The following EPHB2 variants were observed in gnomAD, a reference collection of about 807,000 sequenced individuals.
The protein encoded by EPHB2 is ephrin type-B receptor 2.
Under a neutral mutation model 96.4 loss-of-function variants are expected in EPHB2, and 18 were observed. That is an observed-to-expected ratio of 0.19 (90% confidence interval 0.13 to 0.28). The LOEUF (loss-of-function observed/expected upper bound fraction) is 0.28. Ranked by LOEUF, EPHB2 falls within the 10% of genes least tolerant of loss-of-function variation. The probability of loss-of-function intolerance (pLI) is 1.00; values close to 1 mark genes in which losing one functional copy is unlikely to be tolerated. For synonymous variants in EPHB2, 506 were observed against 534.1 expected (o/e 0.95, Z 0.72); for missense variants, 989 against 1,355.4 (o/e 0.73, Z 4.25).
At chr1:22,806,238 G>A (rs916503324) in intron 3 of EPHB2, among the ~76,000 whole-genome samples, 8 of 152,228 alleles carry the variant, frequency 5.3e-5, no homozygotes, top group African/African-American at 1.9e-4. Flanking sequence ...CCTTTTACAG[G>A]TGGAAAAACT....
intron 9 of EPHB2, among the ~76,000 whole-genome samples, chr1:22,899,193 C>CAAA (rs34967134): frequency 1.7e-5 from 2 of 115,146 alleles, no homozygotes; most frequent in African/African-American, 6.5e-5. Flanking sequence ...AACGCCATCT[C>CAAA]AAAAAAAAAA....
intron 5 of EPHB2, among the ~76,000 whole-genome samples, chr1:22,879,116 G>A (rs944390693): frequency 3.9e-5 from 6 of 152,166 alleles, no homozygotes; most frequent in Admixed American, 3.9e-4. Context: ...CCTGGAGGCA[G>A]GGGTGGGAGG....
At chr1:22,824,614 G>C (rs764385119) in intron 3 of EPHB2, among the ~76,000 whole-genome samples, 6 of 152,236 alleles carry the variant, frequency 3.9e-5, no homozygotes, top group Non-Finnish European at 8.8e-5. Flanking sequence ...AGCCGCCCCT[G>C]TTTACTCAGC....
At chr1:22,826,033 A>C (rs1477473735) in intron 3 of EPHB2, among the ~76,000 whole-genome samples, 1 of 152,184 alleles carries the variant, frequency 6.6e-6, no homozygotes, top group Admixed American at 6.5e-5. Flanking sequence ...GCTGGATGCC[A>C]GCTCAGGGAT....
chr1:22,876,380 G>A lies in EPHB2; in HGVS notation c.1304-5979G>A, dbSNP rs546176547. ...CCAGAAGACCCTGAGAGACCACCCCGTACAACCCCTGCATGCCCTGAGAAG... is the reference window on the plus strand; with the variant it reads ...CCAGAAGACCCTGAGAGACCACCCCATACAACCCCTGCATGCCCTGAGAAG... On this transcript the variant is annotated intron_variant, in intron 5 of 15. Coordinates refer to ENST00000374630, the MANE Select transcript of EPHB2 (RefSeq NM_017449.5). Among the ~76,000 whole-genome samples the A allele has an allele frequency of 3.9e-5, 6 of 152,186 alleles. No homozygotes were observed. In the South Asian group the frequency reaches 8.3e-4, roughly 21 times the overall value.
At position 22,908,164 on chromosome 1, in the gene EPHB2, C is replaced by T. The variant is rs1639977465; in HGVS notation, c.2348C>T (p.Ala783Val). ...DDTSDPTYTS[A>V]LGGKIPIRWT... ...ACCTCAGACCCCACCTACACCAGTG[C>T]CCTGGTAAGATGGAGGCAGGGAACA... Residue 783 changes from alanine (A) to valine (V), a missense_variant, in exon 12 of 16, where the codon GCC (alanine) becomes GTC (valine). Coordinates refer to ENST00000374630, the MANE Select transcript of EPHB2 (RefSeq NM_017449.5). 1 of 1,614,118 alleles carries T rather than the reference C, an allele frequency of 6.2e-7. No individual in the cohort carries two copies.
intron 3 of EPHB2, among the ~76,000 whole-genome samples, chr1:22,795,545 C>T (rs546869276): frequency 6.6e-6 from 1 of 152,262 alleles, no homozygotes; most frequent in South Asian, 2.1e-4. Flanking sequence ...TAATGTCTTA[C>T]ATATGTACAG....
At chr1:22,885,565 TCAC>T (rs1311884214) in intron 6 of EPHB2, among the ~76,000 whole-genome samples, 1 of 152,230 alleles carries the variant, frequency 6.6e-6, no homozygotes, top group African/African-American at 2.4e-5. Context: ...ACATGGTTCT[TCAC>T]CCCATTGGAT....
At chr1:22,898,174 T>C (rs1168618850) in intron 9 of EPHB2, among the ~76,000 whole-genome samples, 2 of 140,840 alleles carry the variant, frequency 1.4e-5, no homozygotes, top group African/African-American at 5.3e-5. Flanking sequence ...AAAAGAGAAA[T>C]ACATGTCATA....
At chr1:22,890,594 C>T (rs1415087752) in intron 6 of EPHB2, among the ~76,000 whole-genome samples, 1 of 152,180 alleles carries the variant, frequency 6.6e-6, no homozygotes, top group Non-Finnish European at 1.5e-5. Flanking sequence ...CACGAGGGAG[C>T]TTTCCTGACT....
chr1:22,808,691 T>C (rs1170045944), intron 3 of EPHB2, among the ~76,000 whole-genome samples: 2 of 152,242 alleles, frequency 1.3e-5, no homozygotes, highest in Non-Finnish European at 2.9e-5. Flanking sequence ...TTCTAAGCTC[T>C]TAATGTATAT....
chr1:22,779,947 CCTT>C (rs1218028706), intron 1 of EPHB2, among the ~76,000 whole-genome samples: 1 of 152,170 alleles, frequency 6.6e-6, no homozygotes, highest in East Asian at 1.9e-4. Flanking sequence ...GTCACTGTGA[CCTT>C]CTAGGTCTCT....
At chr1:22,735,301 T>A (rs1181243548) in intron 1 of EPHB2, among the ~76,000 whole-genome samples, 3 of 151,866 alleles carry the variant, frequency 2.0e-5, no homozygotes, top group Non-Finnish European at 1.5e-5. Flanking sequence ...TAGTCAGGCA[T>A]GGTGGCATGT....
At chr1:22,713,943 C>T (rs900936133) in intron 1 of EPHB2, among the ~76,000 whole-genome samples, 3 of 152,190 alleles carry the variant, frequency 2.0e-5, no homozygotes, top group Non-Finnish European at 2.9e-5. Context: ...GAAGTGGCGG[C>T]GAGCAGGATG....
chr1:22,761,827 C>G (rs373576798), intron 1 of EPHB2, among the ~76,000 whole-genome samples: 1 of 152,126 alleles, frequency 6.6e-6, no homozygotes. Flanking sequence ...TCAGCAAAGC[C>G]CATTTTGCAG....
chr1:22,760,955 C>T (rs1445730226), intron 1 of EPHB2, among the ~76,000 whole-genome samples: 1 of 152,178 alleles, frequency 6.6e-6, no homozygotes, highest in Non-Finnish European at 1.5e-5. Flanking sequence ...ATGCATGTGA[C>T]CAAGGCCACA....
intron 5 of EPHB2, among the ~76,000 whole-genome samples, chr1:22,877,074 G>A (rs1392486620): frequency 6.6e-6 from 1 of 152,210 alleles, no homozygotes; most frequent in Non-Finnish European, 1.5e-5. Flanking sequence ...TGCAGCAGCA[G>A]GAAGGGAGCT....
At chr1:22,812,810 C>A (rs868490778) in intron 3 of EPHB2, among the ~76,000 whole-genome samples, 1 of 152,196 alleles carries the variant, frequency 6.6e-6, no homozygotes, top group African/African-American at 2.4e-5. Context: ...GCATTGCCGT[C>A]TTCAACCCAT....
chr1:22,757,128 G>A (rs1341881357), intron 1 of EPHB2, among the ~76,000 whole-genome samples: 1 of 152,094 alleles, frequency 6.6e-6, no homozygotes, highest in African/African-American at 2.4e-5. Flanking sequence ...GGTGATGGTG[G>A]GTGGGAGAGG....
Sources: gnomAD v4.1 joint callset for allele counts (sites outside exome capture counted in the v4.1 genomes callset) on GRCh38, gnomAD v4.1.1 for gene constraint, MANE v1.5 for transcripts, NCBI Gene and HGNC (gene_info 2026-07-23, HGNC 2026-07-21) for gene names.